Variants in MPDZ observed in about 807,000 individuals in gnomAD.
MPDZ encodes multiple PDZ domain protein.
Under a neutral mutation model 239.1 loss-of-function variants are expected in MPDZ, and 234 were observed. That is an observed-to-expected ratio of 0.98 (90% CI 0.88 to 1.09). MPDZ has a LOEUF of 1.09. MPDZ is among the 50% of genes least tolerant of loss of function. The probability of loss-of-function intolerance (pLI) is 0.00; values close to 1 mark genes in which losing one functional copy is unlikely to be tolerated. For synonymous variants in MPDZ, 1,048 were observed against 881.3 expected (o/e 1.19, Z -3.35); for missense variants, 3,175 against 2,510.0 (o/e 1.26, Z -5.66).
intron 18 of MPDZ, 93 bp downstream of exon 18, chr9:13,186,177 A>G (rs928933371): frequency 5.2e-6 from 3 of 581,606 alleles, no homozygotes; most frequent in Non-Finnish European, 8.1e-6. Flanking sequence ...ATAATGAACA[A>G]AGAATATAAT....
At chr9:13,216,705 A>C (rs1222092454) in intron 10 of MPDZ, 69 bp downstream of exon 10, 2 of 1,203,508 alleles carry the variant, frequency 1.7e-6, no homozygotes, top group Admixed American at 4.3e-5. Context: ...TCTCAAAACT[A>C]AGTAAACTAG....
chr9:13,128,188 G>A lies in MPDZ; in HGVS notation c.4465-1416C>T, dbSNP rs76239522. Among the ~76,000 whole-genome samples, 1,348 of 152,252 alleles carry A rather than the reference G, an allele frequency of 8.9e-3. 24 individuals carry two copies. Among genetic ancestry groups the A allele is most frequent in the African/African-American group, 0.031 (1,287 of 41,544 alleles). ...TCTTTGATACTTCTTCCTTCAGGAAGGAACCTAAAAGCATGGGCTAGACTT... is the reference window on the plus strand; with the variant it reads ...TCTTTGATACTTCTTCCTTCAGGAAAGAACCTAAAAGCATGGGCTAGACTT... On this transcript the variant is annotated intron_variant, in intron 32 of 46. Transcript: ENST00000319217.
At chr9:13,140,627 T>C (rs1357809326) in intron 27 of MPDZ, among the ~76,000 whole-genome samples, 1 of 151,708 alleles carries the variant, frequency 6.6e-6, no homozygotes, top group East Asian at 2.0e-4. Flanking sequence ...AGCCAATGAA[T>C]TAATGAATTT....
rs190262504 is a variant in MPDZ, at chr9:13,211,730, T to G, written c.1290+5044A>C. Among the ~76,000 whole-genome samples the G allele has an allele frequency of 4.2e-3, 634 of 152,208 alleles. 20 individuals are homozygous for G. The highest frequency in any genetic ancestry group is 0.039 in the Admixed American group (592 of 15,258). On this transcript the variant is annotated intron_variant, in intron 10 of 46. Coordinates refer to ENST00000319217, the MANE Select transcript of MPDZ (RefSeq NM_001378778.1). Reference sequence around the variant, plus strand: ...TTCAATATATCACAACAGACCTACATGTGCTTACATAACTACCTTTCCCAG... The same window carrying G: ...TTCAATATATCACAACAGACCTACAGGTGCTTACATAACTACCTTTCCCAG...
chr9:13,121,675 C>CT, intron 38 of MPDZ, 64 bp downstream of exon 38: 3 of 1,559,416 alleles, frequency 1.9e-6, no homozygotes, highest in Non-Finnish European at 2.7e-6. Context: ...TGCTATTACT[C>CT]TTTAAAATGA....
At chr9:13,263,608 T>C (rs1002065450) in intron 1 of MPDZ, among the ~76,000 whole-genome samples, 4 of 152,186 alleles carry the variant, frequency 2.6e-5, no homozygotes, top group Admixed American at 6.5e-5. Flanking sequence ...CGAAGCTTTA[T>C]TCTCATTTTC....
Position 13,205,943 on chromosome 9 carries a change from AC to A in MPDZ, c.1446del (p.Leu482PhefsTer8), listed in dbSNP as rs1564026495. ...TTGATTATGCTGGCATTAACAGGAG[AC>A]AAATCTGCATCTTTTGTGACGTCTT... ...SREDVTKDADLSPVNASIIKE... is the reference protein window; with the variant it reads ...SREDVTKDADXSPVNASIIKE... On this transcript the variant is annotated frameshift_variant, in exon 11 of 47. Coordinates refer to ENST00000319217, the MANE Select transcript of MPDZ (RefSeq NM_001378778.1). LOFTEE classifies it high-confidence loss of function. The A allele has an allele frequency of 1.2e-6, 2 of 1,607,466 alleles. No individual in the cohort carries two copies. The highest frequency in any genetic ancestry group is 2.2e-5 in the South Asian group (2 of 89,368).
At chr9:13,273,633 A>T (rs1973511033) in intron 1 of MPDZ, among the ~76,000 whole-genome samples, 1 of 152,210 alleles carries the variant, frequency 6.6e-6, no homozygotes, top group Admixed American at 6.5e-5. Flanking sequence ...TGGCCAATGG[A>T]AATATCATGT....
rs1481013608 is a variant in MPDZ, at chr9:13,136,814, T to G, written c.4201-11A>C. On this transcript the variant is annotated splice_polypyrimidine_tract_variant and intron_variant, in intron 29 of 46. Coordinates refer to ENST00000319217, the MANE Select transcript of MPDZ (RefSeq NM_001378778.1). Reference sequence around the variant, plus strand: ...AATCTGACCATTGATCTGTGAGAAATAAATATCATTAGTTGGGCCTGAAAT... The same window carrying G: ...AATCTGACCATTGATCTGTGAGAAAGAAATATCATTAGTTGGGCCTGAAAT... 6.6e-7 allele frequency: 1 copy of G among 1,523,650 alleles called. No individual in the cohort carries two copies. The highest frequency in any genetic ancestry group is 9.0e-7 in the Non-Finnish European group (1 of 1,112,040). 94.4% of individuals were successfully genotyped at this position (1,523,650 alleles called of 1,614,324 possible).
intron 39 of MPDZ, among the ~76,000 whole-genome samples, chr9:13,118,771 A>G (rs1218965178): frequency 6.6e-6 from 1 of 152,218 alleles, no homozygotes; most frequent in East Asian, 1.9e-4. Context: ...CAATTAATTC[A>G]TTTTTAAAAT....
chr9:13,194,947 C>A (rs1018154404), intron 13 of MPDZ, among the ~76,000 whole-genome samples: 3 of 151,822 alleles, frequency 2.0e-5, no homozygotes, highest in African/African-American at 7.3e-5. Context: ...AACAGCTATA[C>A]TTACTCAATT....
At chr9:13,108,674 C>T (rs1382049333) in intron 46 of MPDZ, among the ~76,000 whole-genome samples, 4 of 152,134 alleles carry the variant, frequency 2.6e-5, no homozygotes, top group Non-Finnish European at 4.4e-5. Context: ...ATAGGCTTTA[C>T]TAACCAAAGT....
intron 11 of MPDZ, 25 bp from the exon 12 acceptor site, chr9:13,205,132 AT>A: frequency 8.0e-7 from 1 of 1,252,344 alleles, no homozygotes; most frequent in Non-Finnish European, 1.1e-6. Context: ...TATTTTAGTA[AT>A]TTTATCTTTA....
intron 27 of MPDZ, chr9:13,140,723 G>C (rs1037293952): frequency 6.6e-6 from 1 of 151,894 alleles, no homozygotes; most frequent in Non-Finnish European, 1.5e-5. Context: ...TTTTGGGTCT[G>C]GGTAAGATTT....
chr9:13,249,906 G>A (rs1258420463), intron 2 of MPDZ, among the ~76,000 whole-genome samples: 1 of 152,164 alleles, frequency 6.6e-6, no homozygotes, highest in African/African-American at 2.4e-5. Flanking sequence ...CAAGAGCTCA[G>A]TAGAACTTCA....
At chr9:13,263,523 C>T (rs1971166942) in intron 1 of MPDZ, among the ~76,000 whole-genome samples, 1 of 151,846 alleles carries the variant, frequency 6.6e-6, no homozygotes, top group Admixed American at 6.6e-5. Flanking sequence ...TCCAGCAAAA[C>T]TAAAGGAAAT....
intron 32 of MPDZ, among the ~76,000 whole-genome samples, chr9:13,128,472 A>G (rs1476293542): frequency 1.3e-5 from 2 of 152,222 alleles, no homozygotes; most frequent in Non-Finnish European, 1.5e-5. Context: ...CTGTAGCTGT[A>G]GCTGGCAATG....
At chr9:13,252,034 T>C (rs1159476798) in intron 1 of MPDZ, among the ~76,000 whole-genome samples, 4 of 152,164 alleles carry the variant, frequency 2.6e-5, no homozygotes, top group African/African-American at 9.6e-5. Context: ...TTCCAGCTCA[T>C]AGCATAACTT....
At chr9:13,266,036 C>T (rs1971718627) in intron 1 of MPDZ, among the ~76,000 whole-genome samples, 1 of 152,178 alleles carries the variant, frequency 6.6e-6, no homozygotes, top group African/African-American at 2.4e-5. Context: ...AATGGCTTCT[C>T]CCGTCCTGGA....
Sources: gnomAD v4.1 joint callset for allele counts (sites outside exome capture counted in the v4.1 genomes callset) on GRCh38, gnomAD v4.1.1 for gene constraint, MANE v1.5 for transcripts, NCBI Gene and HGNC (gene_info 2026-07-23, HGNC 2026-07-21) for gene names.